LINGO2: variants seen among roughly 807,000 people sequenced by gnomAD.
The protein encoded by LINGO2 is leucine-rich repeat and immunoglobulin-like domain-containing nogo receptor-interacting protein 2.
A neutral mutation model predicts 30.6 loss-of-function variants in LINGO2; 14 were observed. That is an observed-to-expected ratio of 0.46 (90% confidence interval 0.30 to 0.72). The LOEUF (loss-of-function observed/expected upper bound fraction) is 0.72, where lower values mean the gene tolerates loss of function less well. Ranked by LOEUF, LINGO2 falls within the 30% of genes least tolerant of loss-of-function variation. The pLI is 0.07. For missense variants in LINGO2, 729 were observed against 751.7 expected, an observed-to-expected ratio of 0.97 and a Z score of 0.35; for synonymous variants, 317 against 288.5, an observed-to-expected ratio of 1.10 and a Z score of -1.00.
At chr9:28,186,810 C>A (rs2133742107) in intron 4 of LINGO2, among the ~76,000 whole-genome samples, 1 of 152,058 alleles carries the variant, frequency 6.6e-6, no homozygotes, top group Admixed American at 6.6e-5. Context: ...AGCAAGAGGA[C>A]CAGGGTGCCG....
chr9:28,748,479 T>G, the LINGO2 span, among the ~76,000 whole-genome samples: 2 of 152,024 alleles, frequency 1.3e-5, no homozygotes, highest in African/African-American at 4.8e-5. Flanking sequence ...AACTAACCAT[T>G]GTTACACAAT....
the LINGO2 span, among the ~76,000 whole-genome samples, chr9:28,724,746 G>T: frequency 6.6e-6 from 1 of 152,106 alleles, no homozygotes; most frequent in Non-Finnish European, 1.5e-5. Flanking sequence ...AAGTATGCAT[G>T]TTGTTGTGCC....
chr9:28,065,098 G>A (rs1825271901), intron 4 of LINGO2, among the ~76,000 whole-genome samples: 1 of 151,784 alleles, frequency 6.6e-6, no homozygotes, highest in African/African-American at 2.4e-5. Flanking sequence ...ATAATGCCCT[G>A]CATACAGGAA....
At chr9:28,894,742 C>A in the LINGO2 span, among the ~76,000 whole-genome samples, 2 of 151,810 alleles carry the variant, frequency 1.3e-5, no homozygotes, top group African/African-American at 4.8e-5. Flanking sequence ...CTGACAAATA[C>A]AAATTGCATA....
the LINGO2 span, among the ~76,000 whole-genome samples, chr9:28,850,196 G>T: frequency 3.9e-5 from 6 of 151,966 alleles, no homozygotes; most frequent in Non-Finnish European, 8.8e-5. Context: ...TTACAAAACA[G>T]TAGTAAGCCA....
At chr9:29,173,354 G>A in the LINGO2 span, among the ~76,000 whole-genome samples, 1 of 152,062 alleles carries the variant, frequency 6.6e-6, no homozygotes. Flanking sequence ...CAATAGACAT[G>A]CTTCCTTTTA....
intron 2 of LINGO2, among the ~76,000 whole-genome samples, chr9:28,397,533 C>T (rs897940641): frequency 1.4e-5 from 2 of 142,276 alleles, no homozygotes; most frequent in African/African-American, 2.6e-5. Context: ...CCATGCTGTA[C>T]AATAGATGTC....
At chr9:28,666,475 T>C (rs1429783846) in intron 1 of LINGO2, among the ~76,000 whole-genome samples, 5 of 152,164 alleles carry the variant, frequency 3.3e-5, no homozygotes, top group Admixed American at 2.6e-4. Flanking sequence ...ACCCATAAAA[T>C]ATTTGACATT....
intron 1 of LINGO2, among the ~76,000 whole-genome samples, chr9:28,500,087 G>C (rs1021115513): frequency 2.5e-4 from 38 of 152,100 alleles, no homozygotes; most frequent in African/African-American, 9.2e-4. Context: ...CCTTCTCCCT[G>C]TTTTGGTCTT....
the LINGO2 span, among the ~76,000 whole-genome samples, chr9:28,729,098 G>C: frequency 6.6e-6 from 1 of 152,146 alleles, no homozygotes; most frequent in Non-Finnish European, 1.5e-5. Flanking sequence ...TGAATATTCA[G>C]AGTTGAATCT....
the LINGO2 span, among the ~76,000 whole-genome samples, chr9:29,142,163 C>T: frequency 6.6e-6 from 1 of 151,706 alleles, no homozygotes; most frequent in Non-Finnish European, 1.5e-5. Context: ...GGCCACAAAG[C>T]AAATCATAAA....
chr9:28,535,750 C>A (rs1462952650), intron 1 of LINGO2, among the ~76,000 whole-genome samples: 1 of 151,212 alleles, frequency 6.6e-6, no homozygotes. Context: ...ACACACGGAG[C>A]TAAACTGGAC....
chr9:28,237,883 A>T (rs538422912), intron 4 of LINGO2, among the ~76,000 whole-genome samples: 1 of 152,196 alleles, frequency 6.6e-6, no homozygotes, highest in East Asian at 1.9e-4. Context: ...AACAAACAAA[A>T]AAACACTTCA....
At chr9:27,971,091 T>C (rs1234549605) in intron 5 of LINGO2, among the ~76,000 whole-genome samples, 1 of 152,078 alleles carries the variant, frequency 6.6e-6, no homozygotes, top group African/African-American at 2.4e-5. Flanking sequence ...TTTTATTTTT[T>C]ATTTAAAATA....
the LINGO2 span, among the ~76,000 whole-genome samples, chr9:29,136,439 T>C: frequency 7.9e-5 from 12 of 152,192 alleles, no homozygotes; most frequent in African/African-American, 2.9e-4. Context: ...TATCTATCAC[T>C]CCTCAGAAAT....
intron 3 of LINGO2, among the ~76,000 whole-genome samples, chr9:28,364,663 T>C (rs766228482): frequency 3.3e-5 from 5 of 152,250 alleles, no homozygotes; most frequent in Non-Finnish European, 5.9e-5. Flanking sequence ...ACTCTTGTAT[T>C]GTAGACAGTT....
At chr9:28,940,713 T>C in the LINGO2 span, among the ~76,000 whole-genome samples, 3 of 152,140 alleles carry the variant, frequency 2.0e-5, no homozygotes, top group Non-Finnish European at 4.4e-5. Context: ...AAACTCCAAC[T>C]AGTGACTCCC....
At chr9:29,190,368 G>A in the LINGO2 span, among the ~76,000 whole-genome samples, 3 of 152,202 alleles carry the variant, frequency 2.0e-5, no homozygotes, top group Non-Finnish European at 4.4e-5. Flanking sequence ...ATTTGAGTAA[G>A]CTGACTTGTT....
At chr9:28,612,865 G>A (rs527246518) in intron 1 of LINGO2, among the ~76,000 whole-genome samples, 30 of 152,172 alleles carry the variant, frequency 2.0e-4, no homozygotes, top group African/African-American at 7.2e-4. Context: ...ATATGGTTAG[G>A]CTTTGTATCC....
Sources: gnomAD v4.1 joint callset for allele counts (sites outside exome capture counted in the v4.1 genomes callset) on GRCh38, gnomAD v4.1.1 for gene constraint, MANE v1.5 for transcripts, NCBI Gene and HGNC (gene_info 2026-07-23, HGNC 2026-07-21) for gene names.